Variants in ATP8A2 observed in about 807,000 individuals in gnomAD.
ATP8A2 encodes ATPase phospholipid transporting 8A2.
In ATP8A2, 100 loss-of-function variants were observed where a neutral mutation model predicts 165.6. The observed-to-expected ratio is 0.60, with a 90% CI of 0.51 to 0.71. The LOEUF is 0.71. Ranked by LOEUF, ATP8A2 falls within the 30% of genes least tolerant of loss-of-function variation. The probability of loss-of-function intolerance (pLI) is 0.00; values close to 1 mark genes in which losing one functional copy is unlikely to be tolerated. For synonymous variants in ATP8A2, 543 were observed against 548.8 expected (o/e 0.99, Z 0.15); for missense variants, 1,227 against 1,479.5 (o/e 0.83, Z 2.80).
intron 25 of ATP8A2, among the ~76,000 whole-genome samples, chr13:25,715,775 T>G (rs981345914): frequency 6.6e-6 from 1 of 152,226 alleles, no homozygotes; most frequent in Non-Finnish European, 1.5e-5. Flanking sequence ...CATCTACAAA[T>G]TTTTGTGTGG....
At chr13:25,573,930 A>C (rs568276329) in intron 18 of ATP8A2, among the ~76,000 whole-genome samples, 29 of 152,154 alleles carry the variant, frequency 1.9e-4, no homozygotes, top group Admixed American at 1.9e-3. Flanking sequence ...ATACTTGGTA[A>C]TTTGAATGTG....
At chr13:25,624,087 G>C (rs1043656438) in intron 24 of ATP8A2, among the ~76,000 whole-genome samples, 12 of 152,066 alleles carry the variant, frequency 7.9e-5, no homozygotes, top group African/African-American at 2.9e-4. Flanking sequence ...CACATTGGTG[G>C]TGCTTAAACG....
rs188401421 is a variant in ATP8A2, at chr13:25,765,310, G to C, written c.2385-3736G>C. The stretch of plus-strand genomic sequence containing the variant: ...AAGTGCCCCCAAGCACCTAGCTTGG[G>C]TCAGCTGTGGTCTGGGGTTTTTATT... On this transcript the variant is annotated intron_variant, in intron 25 of 36. Coordinates refer to ENST00000381655, the MANE Select transcript of ATP8A2 (RefSeq NM_016529.6). 1.2e-3 allele frequency among the ~76,000 whole-genome samples: 188 copies of C among 152,334 alleles called. 1 individual carries two copies. The highest frequency in any genetic ancestry group is 4.3e-3 in the African/African-American group (179 of 41,584).
intron 33 of ATP8A2, among the ~76,000 whole-genome samples, chr13:25,908,419 T>C (rs1954010081): frequency 6.6e-6 from 1 of 152,250 alleles, no homozygotes; most frequent in South Asian, 2.1e-4. Flanking sequence ...TTGGATACTT[T>C]CATCTTTGCA....
chr13:25,808,008 T>C (rs1950779111), intron 27 of ATP8A2, among the ~76,000 whole-genome samples: 1 of 151,612 alleles, frequency 6.6e-6, no homozygotes, highest in Non-Finnish European at 1.5e-5. Flanking sequence ...AAGACACTTT[T>C]GGAGATATTT....
intron 28 of ATP8A2, among the ~76,000 whole-genome samples, chr13:25,834,386 C>T (rs1325555253): frequency 6.6e-6 from 1 of 152,152 alleles, no homozygotes; most frequent in Non-Finnish European, 1.5e-5. Context: ...ATCCTTTTAA[C>T]TCTCCTGCTG....
At chr13:25,648,759 A>C (rs151155301) in intron 24 of ATP8A2, among the ~76,000 whole-genome samples, 322 of 152,306 alleles carry the variant, frequency 2.1e-3, no homozygotes, top group African/African-American at 7.3e-3. Flanking sequence ...ATTACATGTA[A>C]TATGTAATGC....
chr13:25,630,893 T>C lies in ATP8A2; in HGVS notation c.2211+41194T>C, dbSNP rs966391761. 5.3e-5 allele frequency among the ~76,000 whole-genome samples: 8 copies of C among 152,298 alleles called. No homozygotes were observed. The South Asian group carries it at 6.2e-4, about 12-fold the overall frequency. ...CCTTCATTTTAATTTACAAGAGCAG[T>C]AACTACTTCTGGGACTGACTGGAGT... On this transcript the variant is annotated intron_variant, in intron 24 of 36. Transcript: ENST00000381655.
Position 25,973,616 on chromosome 13 carries a change from G to A in ATP8A2, c.3377+4937G>A, listed in dbSNP as rs555473585. 4.6e-5 allele frequency among the ~76,000 whole-genome samples: 7 copies of A among 152,296 alleles called. No homozygotes were observed. In the South Asian group the frequency reaches 8.3e-4, roughly 18 times the overall value. ...ACAAACTCCCGAATGCATTCTGAGT[G>A]AGTACTCAACTCAAAAATACCTGTC... On this transcript the variant is annotated intron_variant, in intron 35 of 36. Coordinates refer to ENST00000381655, the MANE Select transcript of ATP8A2 (RefSeq NM_016529.6).
intron 2 of ATP8A2, among the ~76,000 whole-genome samples, chr13:25,498,343 A>G (rs887872261): frequency 6.6e-6 from 1 of 152,226 alleles, no homozygotes; most frequent in Non-Finnish European, 1.5e-5. Flanking sequence ...ATTTCTCATC[A>G]TAGAAATAAA....
At chr13:25,696,069 A>G (rs1245375862) in intron 24 of ATP8A2, among the ~76,000 whole-genome samples, 2 of 152,224 alleles carry the variant, frequency 1.3e-5, no homozygotes, top group African/African-American at 4.8e-5. Context: ...TATTAGATAA[A>G]CATGCATGAA....
intron 2 of ATP8A2, among the ~76,000 whole-genome samples, chr13:25,527,064 C>T (rs762127724): frequency 6.6e-6 from 1 of 152,098 alleles, no homozygotes; most frequent in Non-Finnish European, 1.5e-5. Flanking sequence ...AGAACTGTCT[C>T]ATCCTCATAT....
intron 24 of ATP8A2, among the ~76,000 whole-genome samples, chr13:25,672,705 T>G (rs1325591094): frequency 6.6e-6 from 1 of 152,184 alleles, no homozygotes; most frequent in Non-Finnish European, 1.5e-5. Flanking sequence ...CCTTTTGGAG[T>G]AAAGATGAAT....
intron 1 of ATP8A2, among the ~76,000 whole-genome samples, chr13:25,415,984 ACT>A (rs1157330619): frequency 6.6e-6 from 1 of 151,988 alleles, no homozygotes; most frequent in Non-Finnish European, 1.5e-5. Flanking sequence ...GTTCACCACC[ACT>A]CTGGCTATTT....
intron 1 of ATP8A2, among the ~76,000 whole-genome samples, chr13:25,462,428 C>A (rs1053974759): frequency 6.6e-6 from 1 of 152,108 alleles, no homozygotes; most frequent in Non-Finnish European, 1.5e-5. Flanking sequence ...CAAAGGGTAC[C>A]AGTCAGGACC....
chr13:25,688,865 T>G (rs973561374), intron 24 of ATP8A2, among the ~76,000 whole-genome samples: 12 of 151,040 alleles, frequency 7.9e-5, no homozygotes, highest in East Asian at 3.9e-4. Flanking sequence ...TGTGCTCCCA[T>G]TTTCGTCCTA....
intron 25 of ATP8A2, among the ~76,000 whole-genome samples, chr13:25,747,244 G>A (rs750222733): frequency 2.0e-5 from 3 of 152,172 alleles, no homozygotes; most frequent in Non-Finnish European, 2.9e-5. Context: ...GAGGATTCGT[G>A]CCTGTTAGAG....
At chr13:25,389,644 A>G (rs1199180265) in intron 1 of ATP8A2, among the ~76,000 whole-genome samples, 1 of 152,232 alleles carries the variant, frequency 6.6e-6, no homozygotes, top group East Asian at 1.9e-4. Flanking sequence ...GAGTAGCTTC[A>G]CTTAGCTGCT....
chr13:25,451,589 T>A (rs890313346), intron 1 of ATP8A2, among the ~76,000 whole-genome samples: 1 of 152,182 alleles, frequency 6.6e-6, no homozygotes, highest in Non-Finnish European at 1.5e-5. Flanking sequence ...AATGTCATTT[T>A]AATTTCTATT....
Sources: gnomAD v4.1 joint callset for allele counts (sites outside exome capture counted in the v4.1 genomes callset) on GRCh38, gnomAD v4.1.1 for gene constraint, MANE v1.5 for transcripts, NCBI Gene and HGNC (gene_info 2026-07-23, HGNC 2026-07-21) for gene names.